Variants in SLC24A3 observed in about 807,000 individuals in gnomAD.
SLC24A3 encodes sodium/potassium/calcium exchanger 3.
In SLC24A3, 28 loss-of-function variants were observed where a neutral mutation model predicts 75.8. The ratio of observed to expected loss-of-function variants is 0.37; its 90% confidence interval spans 0.27 to 0.51. The LOEUF (loss-of-function observed/expected upper bound fraction) is 0.51, where lower values mean the gene tolerates loss of function less well. Ranked by LOEUF, SLC24A3 falls within the 20% of genes least tolerant of loss-of-function variation. The pLI is 0.94. For missense variants in SLC24A3, 663 were observed against 847.8 expected (o/e 0.78, Z 2.71); for synonymous variants, 372 against 334.1 (o/e 1.11, Z -1.24).
intron 1 of SLC24A3, among the ~76,000 whole-genome samples, chr20:19,216,641 TTA>T (rs1173809141): frequency 6.6e-6 from 1 of 151,748 alleles, no homozygotes; most frequent in Admixed American, 6.6e-5. Context: ...AAGAAAAAAA[TTA>T]CACACACATG....
chr20:19,565,382 C>T (rs567825089), intron 3 of SLC24A3, among the ~76,000 whole-genome samples: 24 of 147,048 alleles, frequency 1.6e-4, no homozygotes, highest in African/African-American at 4.9e-4. Flanking sequence ...AGAGTGAGAA[C>T]GACCTGGGAA....
chr20:19,248,751 C>T (rs1358848288), intron 1 of SLC24A3, among the ~76,000 whole-genome samples: 1 of 151,924 alleles, frequency 6.6e-6, no homozygotes. Flanking sequence ...GCAACCAAAG[C>T]GTCCATCGAC....
At chr20:19,379,910 T>C (rs192186683) in intron 2 of SLC24A3, among the ~76,000 whole-genome samples, 3 of 152,214 alleles carry the variant, frequency 2.0e-5, no homozygotes, top group Admixed American at 2.0e-4. Flanking sequence ...GACCCAGACA[T>C]AGGCTGGCTA....
intron 3 of SLC24A3, among the ~76,000 whole-genome samples, chr20:19,541,483 G>A (rs2030496649): frequency 6.6e-6 from 1 of 152,192 alleles, no homozygotes; most frequent in Admixed American, 6.5e-5. Context: ...ATTAAGTGCT[G>A]TCCCTCAGTT....
At chr20:19,225,336 T>G (rs925494400) in intron 1 of SLC24A3, among the ~76,000 whole-genome samples, 1 of 152,192 alleles carries the variant, frequency 6.6e-6, no homozygotes, top group East Asian at 1.9e-4. Flanking sequence ...ACAGTTTGGT[T>G]GTTTGAAATC....
At chr20:19,571,486 G>C (rs2031051469) in intron 3 of SLC24A3, among the ~76,000 whole-genome samples, 3 of 152,116 alleles carry the variant, frequency 2.0e-5, no homozygotes, top group African/African-American at 7.2e-5. Context: ...GGAGAACAAA[G>C]GGGGGAAAGT....
intron 2 of SLC24A3, among the ~76,000 whole-genome samples, chr20:19,349,033 T>A (rs745400816): frequency 9.2e-5 from 14 of 152,106 alleles, no homozygotes; most frequent in Non-Finnish European, 1.8e-4. Flanking sequence ...CTTGTTCCTT[T>A]AGGAACAGGT....
At chr20:19,329,723 T>C (rs925946659) in intron 2 of SLC24A3, among the ~76,000 whole-genome samples, 3 of 152,212 alleles carry the variant, frequency 2.0e-5, no homozygotes, top group South Asian at 4.1e-4. Flanking sequence ...CCAGAAATAT[T>C]TTTCCCCCTT....
At chr20:19,619,940 A>T (rs1403376678) in intron 6 of SLC24A3, among the ~76,000 whole-genome samples, 1 of 152,132 alleles carries the variant, frequency 6.6e-6, no homozygotes. Context: ...TTTGGGGGAT[A>T]CCTATGGTTT....
At chr20:19,239,847 C>A (rs1982280329) in intron 1 of SLC24A3, among the ~76,000 whole-genome samples, 1 of 152,132 alleles carries the variant, frequency 6.6e-6, no homozygotes, top group African/African-American at 2.4e-5. Context: ...GCCCTGTGGG[C>A]AGCCTTGGCA....
At chr20:19,685,551 A>C (rs1002129314) in intron 12 of SLC24A3, among the ~76,000 whole-genome samples, 190 bp downstream of exon 12, 3 of 152,210 alleles carry the variant, frequency 2.0e-5, no homozygotes, top group African/African-American at 7.2e-5. Flanking sequence ...ATGGGGGTCC[A>C]TGATCATTGC....
intron 3 of SLC24A3, among the ~76,000 whole-genome samples, chr20:19,555,459 C>A (rs1390307121): frequency 6.6e-6 from 1 of 152,112 alleles, no homozygotes; most frequent in Admixed American, 6.5e-5. Context: ...TTAGTCTCGA[C>A]AATGGGAAAG....
intron 6 of SLC24A3, among the ~76,000 whole-genome samples, chr20:19,633,916 C>A (rs866346688): frequency 6.6e-6 from 1 of 152,108 alleles, no homozygotes; most frequent in South Asian, 2.1e-4. Flanking sequence ...GCCTGGCAAT[C>A]ATAAATATTC....
intron 3 of SLC24A3, among the ~76,000 whole-genome samples, chr20:19,540,424 G>A (rs1374183885): frequency 6.6e-6 from 1 of 152,122 alleles, no homozygotes; most frequent in Non-Finnish European, 1.5e-5. Flanking sequence ...TCCACACAAG[G>A]GCTCTGCCTG....
At chr20:19,578,430 A>G (rs1243755582) in intron 3 of SLC24A3, among the ~76,000 whole-genome samples, 1 of 152,008 alleles carries the variant, frequency 6.6e-6, no homozygotes, top group African/African-American at 2.4e-5. Flanking sequence ...AGTTTTCTCT[A>G]TATGACAGCT....
At chr20:19,513,727 CT>C (rs750433352) in intron 2 of SLC24A3, among the ~76,000 whole-genome samples, 22 of 95,812 alleles carry the variant, frequency 2.3e-4, no homozygotes, top group African/African-American at 8.5e-4. Context: ...GTGGGTCTTG[CT>C]TTTTTTTTAG....
intron 1 of SLC24A3, among the ~76,000 whole-genome samples, chr20:19,264,817 G>A (rs960532946): frequency 5.9e-5 from 9 of 151,888 alleles, no homozygotes; most frequent in Non-Finnish European, 1.2e-4. Flanking sequence ...AGTGAGGAAC[G>A]GAAGCCACAG....
intron 2 of SLC24A3, among the ~76,000 whole-genome samples, chr20:19,374,800 C>T (rs917112127): frequency 2.0e-5 from 3 of 152,156 alleles, no homozygotes; most frequent in African/African-American, 7.2e-5. Flanking sequence ...AGGGCATCTG[C>T]ATTCTTTTGT....
intron 2 of SLC24A3, among the ~76,000 whole-genome samples, chr20:19,457,372 C>CT (rs1987596521): frequency 6.6e-6 from 1 of 152,128 alleles, no homozygotes; most frequent in Non-Finnish European, 1.5e-5. Context: ...GGAACATTTT[C>CT]TTTTTGCATG....
Sources: gnomAD v4.1 joint callset for allele counts (sites outside exome capture counted in the v4.1 genomes callset) on GRCh38, gnomAD v4.1.1 for gene constraint, MANE v1.5 for transcripts, NCBI Gene and HGNC (gene_info 2026-07-23, HGNC 2026-07-21) for gene names.